Variants in CSTF3 observed in about 807,000 individuals in gnomAD.
The protein encoded by CSTF3 is cleavage stimulation factor subunit 3.
In CSTF3, 29 loss-of-function variants were observed where a neutral mutation model predicts 105.8. The ratio of observed to expected loss-of-function variants is 0.27; its 90% CI spans 0.20 to 0.37. The LOEUF (loss-of-function observed/expected upper bound fraction) is 0.37. Among genes scored for constraint, CSTF3 ranks in the 10% least tolerant of loss-of-function variants. The pLI, the probability that CSTF3 is intolerant of heterozygous loss-of-function variation, is 1.00. For synonymous variants in CSTF3, 252 were observed against 281.9 expected (o/e 0.89, Z 1.06); for missense variants, 357 against 879.3 (o/e 0.41, Z 7.51).
chr11:33,103,061 A>G (rs1158467658), intron 9 of CSTF3, 46 bp downstream of exon 9: 2 of 1,253,918 alleles, frequency 1.6e-6, no homozygotes, highest in Non-Finnish European at 2.2e-6. Context: ...TGCTGTAAAC[A>G]ACAGACTCAT....
At position 33,141,742 on chromosome 11, in the gene CSTF3, T is replaced by G. The variant is rs1284817531; in HGVS notation, c.150A>C (p.Ala50=). Residue 50 remains alanine, a synonymous_variant, in exon 3 of 21, where the codon GCA becomes GCC. Transcript: ENST00000323959. ...CAACAAGGCGTTCATAAGTCTTCCG[T>G]GCTTTGTCTATAGGTTGATTCTAAA... is the stretch of plus-strand genomic sequence containing the variant. ...REAQNQPIDK[A]RKTYERLVAQ... 1.2e-6 allele frequency: 2 copies of G among 1,602,632 alleles called. No individual in the cohort carries two copies. The highest frequency in any genetic ancestry group is 3.5e-5 in the Admixed American group (2 of 56,392).
Position 33,141,998 on chromosome 11 carries a change from AAAC to A in CSTF3, c.28-15_28-13del. On this transcript the variant is annotated splice_polypyrimidine_tract_variant and intron_variant, in intron 1 of 20. Transcript: ENST00000323959. ...ACATACTCAGCTGCCTGGGGAAAAA[AAAC>A]AACAGTGAACTAAAGTTACTGTTTT... 2.5e-6 allele frequency: 4 copies of A among 1,613,652 alleles called. No homozygotes were observed. The South Asian group carries it at 4.4e-5, about 18-fold the overall frequency.
chr11:33,158,195 A>C (rs1324370411), intron 1 of CSTF3, among the ~76,000 whole-genome samples: 1 of 152,218 alleles, frequency 6.6e-6, no homozygotes, highest in Non-Finnish European at 1.5e-5. Context: ...TATTATTAAA[A>C]AGTTAAAGAA....
intron 13 of CSTF3, among the ~76,000 whole-genome samples, 189 bp downstream of exon 13, chr11:33,098,501 G>T (rs1019334708): frequency 6.6e-6 from 1 of 152,074 alleles, no homozygotes; most frequent in Non-Finnish European, 1.5e-5. Context: ...GGTCACATGG[G>T]GGAATTTTTG....
chr11:33,141,913 G>T lies in CSTF3; in HGVS notation c.101C>A (p.Ala34Asp). Reference protein sequence around the residue: ...KLEENPYDLDAWSILIREAQN... With the variant: ...KLEENPYDLDDWSILIREAQN... Reference sequence around the variant, plus strand: ...TGCCTCTCGAATGAGAATGCTCCAAGCATCAAGGTCATATGGATTCTCTTC... The same window carrying T: ...TGCCTCTCGAATGAGAATGCTCCAATCATCAAGGTCATATGGATTCTCTTC... Residue 34 changes from alanine to aspartate, a missense_variant, in exon 2 of 21, where the codon GCT becomes GAT. Physicochemically the swap from Ala to Asp is moderately radical, Grantham distance 126. Around this residue, in one of 4 missense-constraint regions of CSTF3, gnomAD observed 78 missense variants for 180.4 expected, o/e 0.43. Coordinates refer to ENST00000323959, the MANE Select transcript of CSTF3 (RefSeq NM_001326.3). 6.2e-7 allele frequency: 1 copy of T among 1,604,518 alleles called. No individual in the cohort carries two copies.
intron 3 of CSTF3, among the ~76,000 whole-genome samples, chr11:33,121,044 C>T (rs1855481671): frequency 6.6e-6 from 1 of 152,000 alleles, no homozygotes; most frequent in Admixed American, 6.6e-5. Context: ...TCCGTGAGCA[C>T]ACCCAAATCA....
intron 17 of CSTF3, 45 bp from the exon 18 acceptor site, chr11:33,087,186 A>G: frequency 6.3e-7 from 1 of 1,597,598 alleles, no homozygotes; most frequent in East Asian, 2.2e-5. Context: ...AAAAGGGACT[A>G]CTAGAGAATA....
intron 13 of CSTF3, among the ~76,000 whole-genome samples, chr11:33,098,328 C>A (rs1855245734): frequency 6.6e-6 from 1 of 152,200 alleles, no homozygotes; most frequent in Non-Finnish European, 1.5e-5. Flanking sequence ...AGCAACAATT[C>A]TGTGGCATAA....
At chr11:33,125,101 G>A (rs192099017) in intron 3 of CSTF3, among the ~76,000 whole-genome samples, 29 of 152,036 alleles carry the variant, frequency 1.9e-4, no homozygotes, top group East Asian at 1.4e-3. Context: ...TTGTGCTTCC[G>A]CCCCATGTAG....
chr11:33,093,843 G>A (rs1855193161), intron 15 of CSTF3, among the ~76,000 whole-genome samples: 1 of 152,128 alleles, frequency 6.6e-6, no homozygotes, highest in Admixed American at 6.5e-5. Context: ...GAGTAGCTGG[G>A]ACTACAGGTG....
intron 2 of CSTF3, 31 bp from the exon 3 acceptor site, chr11:33,141,793 C>A: frequency 6.3e-7 from 1 of 1,581,356 alleles, no homozygotes. Context: ...ACAGCATTTA[C>A]AATGTTAGGA....
intron 3 of CSTF3, among the ~76,000 whole-genome samples, chr11:33,135,276 G>A (rs548106854): frequency 2.0e-5 from 3 of 152,298 alleles, no homozygotes; most frequent in South Asian, 4.1e-4. Context: ...CATAGTAGAT[G>A]CTTCAAAGAT....
rs547639399 is a variant in CSTF3, at chr11:33,157,776, A to T, written c.27+3523T>A. The stretch of plus-strand genomic sequence containing the variant: ...GAACTTCAATGCTACTAAAAGGCTA[A>T]ATCTACACCTGCATCTTGTAGGACT... On this transcript the variant is annotated intron_variant, in intron 1 of 20. Coordinates refer to ENST00000323959, the MANE Select transcript of CSTF3 (RefSeq NM_001326.3). Among the ~76,000 whole-genome samples the T allele has an allele frequency of 7.9e-5, 12 of 151,596 alleles. No homozygotes were observed. The South Asian group carries it at 2.5e-3, about 32-fold the overall frequency.
In CSTF3 at chr11:33,085,217, T is replaced by C; in HGVS notation, c.2024A>G (p.Glu675Gly). Reference sequence around the variant, plus strand: ...GGCCTTGGTGAGTACTGCATTACTTTCCACGGGGCCGTTGCCTTCTACAGC... The same window carrying C: ...GGCCTTGGTGAGTACTGCATTACTTCCCACGGGGCCGTTGCCTTCTACAGC... ...ELAVEGNGPV[E>G]SNAVLTKAVK... Residue 675 changes from glutamate to glycine, a missense_variant, in exon 21 of 21, where the codon GAA becomes GGA. Around this residue, in one of 4 missense-constraint regions of CSTF3, gnomAD observed 73 missense variants for 105.8 expected, o/e 0.69. Transcript: ENST00000323959. The C allele has an allele frequency of 5.6e-6, 9 of 1,608,228 alleles. No homozygotes were observed. Among genetic ancestry groups the C allele is most frequent in the Non-Finnish European group, 7.6e-6 (9 of 1,177,100 alleles).
At chr11:33,103,332 C>G (rs1438224847) in intron 8 of CSTF3, 148 bp from the exon 9 acceptor site, 3 of 439,852 alleles carry the variant, frequency 6.8e-6, no homozygotes, top group Admixed American at 4.4e-5. Context: ...TCATGAAAAG[C>G]AGGGAAAAAA....
chr11:33,137,318 A>T (rs1855665268), intron 3 of CSTF3, among the ~76,000 whole-genome samples: 1 of 151,854 alleles, frequency 6.6e-6, no homozygotes, highest in South Asian at 2.1e-4. Context: ...AGTTTTATTT[A>T]AAGAAATGTC....
At chr11:33,122,604 C>T (rs902889273) in intron 3 of CSTF3, among the ~76,000 whole-genome samples, 4 of 151,912 alleles carry the variant, frequency 2.6e-5, no homozygotes, top group Non-Finnish European at 5.9e-5. Context: ...AATACTTAAG[C>T]ACAAAACACA....
In CSTF3 at chr11:33,090,889, G is replaced by A. The variant is rs1855162669; in HGVS notation, c.1446-162C>T. Reference sequence around the variant, plus strand: ...CTATAGAAAAATAGAATAGTATAATGAATACCTATATACCACTACCTATAT... The same window carrying A: ...CTATAGAAAAATAGAATAGTATAATAAATACCTATATACCACTACCTATAT... On this transcript the variant is annotated intron_variant, in intron 16 of 20. Coordinates refer to ENST00000323959, the MANE Select transcript of CSTF3 (RefSeq NM_001326.3). Among the ~76,000 whole-genome samples, 5 of 152,084 alleles carry A rather than the reference G, an allele frequency of 3.3e-5. No homozygotes were observed. The South Asian group carries it at 1.0e-3, about 32-fold the overall frequency.
intron 3 of CSTF3, among the ~76,000 whole-genome samples, chr11:33,129,326 G>A (rs960917166): frequency 1.7e-4 from 26 of 151,610 alleles, no homozygotes; most frequent in African/African-American, 5.3e-4. Context: ...TCCTGACCTC[G>A]AGTGATCTGC....
Sources: allele counts gnomAD v4.1 joint callset (sites outside exome capture counted in the v4.1 genomes callset), GRCh38; gene constraint gnomAD v4.1.1; regional missense constraint gnomAD v4.1.1; transcripts MANE v1.5; gene names NCBI Gene and HGNC (gene_info 2026-07-23, HGNC 2026-07-21).